SNRPN: variants seen among roughly 807,000 people sequenced by gnomAD.
The protein encoded by SNRPN is small nuclear ribonucleoprotein polypeptide N, also known as small nuclear ribonucleoprotein-associated protein N.
Under a neutral mutation model 25.2 loss-of-function variants are expected in SNRPN, and 7 were observed. The observed-to-expected ratio is 0.28, with a 90% CI of 0.16 to 0.52. SNRPN has a LOEUF of 0.52. SNRPN is among the 20% of genes least tolerant of loss of function. The pLI is 0.96. For synonymous variants in SNRPN, 124 were observed against 110.6 expected (o/e 1.12, Z -0.76); for missense variants, 196 against 322.5 (o/e 0.61, Z 3.00).
In SNRPN at chr15:24,836,363, G is replaced by A. The variant is rs185344055; in HGVS notation, c.-579+6458G>A. Reference sequence around the variant, plus strand: ...CTTTCCTTCACCTGCTGCAAGGTTCGTGGCTGAGTCCTCATAACAAAATCC... The same window carrying A: ...CTTTCCTTCACCTGCTGCAAGGTTCATGGCTGAGTCCTCATAACAAAATCC... On this transcript the variant is annotated intron_variant, in intron 2 of 12. Coordinates refer to the SNRPN transcript ENST00000400100. Among the ~76,000 whole-genome samples the A allele has an allele frequency of 2.7e-4, 41 of 152,144 alleles. 1 individual carries two copies. Among genetic ancestry groups the A allele is most frequent in the Non-Finnish European group, 5.9e-5 (4 of 68,022 alleles).
chr15:24,950,544 CTTTTTTTT>C (rs1024998270), upstream of SNRPN, among the ~76,000 whole-genome samples: 1 of 97,130 alleles, frequency 1.0e-5, no homozygotes, highest in African/African-American at 4.1e-5. Flanking sequence ...GTTCTCATTT[CTTTTTTTT>C]TTTTTTTTTT....
chr15:24,973,482 C>G (rs2076695943), intron 3 of SNRPN, among the ~76,000 whole-genome samples: 1 of 152,160 alleles, frequency 6.6e-6, no homozygotes, highest in South Asian at 2.1e-4. Context: ...ACTGCAACCT[C>G]TGCCTCCCAG....
At chr15:24,954,255 T>C (rs1389334581), upstream of SNRPN, among the ~76,000 whole-genome samples, 1 of 152,164 alleles carries the variant, frequency 6.6e-6, no homozygotes, top group African/African-American at 2.4e-5. Context: ...TCATTGATTA[T>C]TGGTAAAAAT....
chr15:24,868,276 T>G (rs917930620), intron 1 of SNRPN, among the ~76,000 whole-genome samples: 4 of 152,164 alleles, frequency 2.6e-5, no homozygotes, highest in African/African-American at 9.6e-5. Context: ...GATAGAGTGT[T>G]ATTTGAAAGG....
At chr15:24,872,607 G>T (rs2055270895) in intron 1 of SNRPN, among the ~76,000 whole-genome samples, 1 of 115,032 alleles carries the variant, frequency 8.7e-6, no homozygotes, top group South Asian at 3.2e-4. Context: ...TTAGCTGAGT[G>T]TGATGAAACA....
At chr15:24,881,190 G>A (rs1392029477) in intron 1 of SNRPN, among the ~76,000 whole-genome samples, 5 of 152,042 alleles carry the variant, frequency 3.3e-5, no homozygotes, top group African/African-American at 1.2e-4. Flanking sequence ...TCAAGCATAT[G>A]GAGGTGATTT....
At chr15:24,870,259 A>T (rs1353408739) in intron 1 of SNRPN, among the ~76,000 whole-genome samples, 1 of 152,152 alleles carries the variant, frequency 6.6e-6, no homozygotes, top group Admixed American at 6.5e-5. Context: ...TAAAACAAAG[A>T]TACAGACCCA....
At chr15:24,913,289 A>G (rs1042380218) in intron 2 of SNRPN, among the ~76,000 whole-genome samples, 8 of 152,162 alleles carry the variant, frequency 5.3e-5, no homozygotes, top group African/African-American at 1.9e-4. Flanking sequence ...TACTCAGGAA[A>G]ACAGAGCCAG....
intron 1 of SNRPN, among the ~76,000 whole-genome samples, chr15:24,876,489 C>A (rs145322909): frequency 6.6e-6 from 1 of 151,504 alleles, no homozygotes; most frequent in South Asian, 2.1e-4. Context: ...TGGTGGCGTG[C>A]GCCTGTAATC....
intron 2 of SNRPN, among the ~76,000 whole-genome samples, chr15:24,842,776 A>C (rs1177846370): frequency 6.6e-6 from 1 of 152,178 alleles, no homozygotes; most frequent in African/African-American, 2.4e-5. Context: ...TATTCTTGAC[A>C]AATTAAAACT....
chr15:24,860,068 T>G (rs2053858265), intron 1 of SNRPN, among the ~76,000 whole-genome samples: 1 of 152,184 alleles, frequency 6.6e-6, no homozygotes, highest in Non-Finnish European at 1.5e-5. Context: ...GGTCTCATCC[T>G]CATTTTACCC....
chr15:24,924,999 A>G (rs1015660932), intron 3 of SNRPN, among the ~76,000 whole-genome samples: 1 of 152,154 alleles, frequency 6.6e-6, no homozygotes, highest in Non-Finnish European at 1.5e-5. Context: ...TGATTTTTCC[A>G]TCTACTTAAC....
intron 1 of SNRPN, among the ~76,000 whole-genome samples, chr15:24,865,707 T>G (rs976285956): frequency 6.6e-6 from 1 of 152,212 alleles, no homozygotes; most frequent in African/African-American, 2.4e-5. Flanking sequence ...TTGCCTGTCA[T>G]GGCCTTAGGT....
chr15:24,881,456 G>T (rs554065316), intron 1 of SNRPN, among the ~76,000 whole-genome samples: 3 of 151,474 alleles, frequency 2.0e-5, no homozygotes, highest in African/African-American at 7.3e-5. Flanking sequence ...GCTTGAACCT[G>T]GGAGGCAGAG....
At chr15:24,937,357 CAAAAA>C (rs578130797) in intron 3 of SNRPN, among the ~76,000 whole-genome samples, 2 of 151,332 alleles carry the variant, frequency 1.3e-5, no homozygotes, top group Non-Finnish European at 2.9e-5. Context: ...CAAAACAAAA[CAAAAA>C]AAACGAAAAA....
intron 1 of SNRPN, among the ~76,000 whole-genome samples, chr15:24,883,913 C>T (rs1309093083): frequency 6.7e-6 from 1 of 149,114 alleles, no homozygotes; most frequent in Non-Finnish European, 1.5e-5. Flanking sequence ...GGCTGAGGCA[C>T]GAGAATTGCT....
At chr15:24,848,238 G>A (rs2052404267) in intron 2 of SNRPN, 1 of 136,488 alleles carries the variant, frequency 7.3e-6, no homozygotes, top group South Asian at 2.1e-4. Flanking sequence ...CGGTGGGGGC[G>A]GGGGCGGCGG....
chr15:24,926,525 A>G (rs1261810724), intron 3 of SNRPN, among the ~76,000 whole-genome samples: 1 of 151,976 alleles, frequency 6.6e-6, no homozygotes, highest in Non-Finnish European at 1.5e-5. Context: ...ATGCTGTTAT[A>G]TTCCTTCCAA....
rs565012889 is a variant in SNRPN, at chr15:24,976,971, C to T, written c.362C>T (p.Pro121Leu). 6.2e-7 allele frequency: 1 copy of T among 1,604,868 alleles called. No homozygotes were observed. Among genetic ancestry groups the T allele is most frequent in the African/African-American group, 1.3e-5 (1 of 74,614 alleles). The change falls in exon 7 of 10, where the codon CCC (proline) becomes CTC (leucine). Residue 121 changes from proline (P) to leucine (L), a missense_variant. Physicochemically the swap from Pro to Leu is moderately conservative, Grantham distance 98. Coordinates refer to ENST00000390687, the MANE Select transcript of SNRPN (RefSeq NM_003097.6). Reference protein sequence around the residue: ...GRGVPAGVPIPQAPAGLAGPV... With the variant: ...GRGVPAGVPILQAPAGLAGPV... ...GGAGTACCAGCTGGTGTGCCAATTC[C>T]CCAGGCCCCTGCTGGATTGGCAGGC...
Sources: gnomAD v4.1 joint callset for allele counts (sites outside exome capture counted in the v4.1 genomes callset) on GRCh38, gnomAD v4.1.1 for gene constraint, MANE v1.5 for transcripts, NCBI Gene and HGNC (gene_info 2026-07-23, HGNC 2026-07-21) for gene names.